The following LUZP2 variants were observed in gnomAD, a reference collection of about 807,000 sequenced individuals.
LUZP2 encodes leucine zipper protein 2.
A neutral mutation model predicts 51.6 loss-of-function variants in LUZP2; 52 were observed. The observed-to-expected ratio is 1.01, with a 90% CI of 0.81 to 1.27. LUZP2 has a LOEUF of 1.27. Among genes scored for constraint, LUZP2 ranks in the 50% most tolerant of loss-of-function variants. The probability of loss-of-function intolerance (pLI) is 0.00; values close to 1 mark genes in which losing one functional copy is unlikely to be tolerated. For missense variants in LUZP2, 436 were observed against 395.4 expected, an observed-to-expected ratio of 1.10 and a Z score of -0.87; for synonymous variants, 154 against 137.3, an observed-to-expected ratio of 1.12 and a Z score of -0.85.
At chr11:24,968,126 C>T (rs529901815) in intron 7 of LUZP2, among the ~76,000 whole-genome samples, 1 of 152,204 alleles carries the variant, frequency 6.6e-6, no homozygotes, top group South Asian at 2.1e-4. Context: ...TTGAGCTAAA[C>T]CTCCAAAGAT....
intron 10 of LUZP2, among the ~76,000 whole-genome samples, chr11:25,060,179 A>G (rs1408779719): frequency 2.0e-5 from 3 of 152,170 alleles, no homozygotes; most frequent in Admixed American, 6.5e-5. Context: ...TGCTATAACA[A>G]AACACCATAG....
chr11:24,594,778 G>A (rs1348784696), intron 1 of LUZP2, among the ~76,000 whole-genome samples: 4 of 37,944 alleles, frequency 1.1e-4, no homozygotes, highest in Non-Finnish European at 2.2e-4. Flanking sequence ...TTTTTTTTTT[G>A]AGGTGGAGTC....
At chr11:24,600,672 A>G (rs1003344714) in intron 1 of LUZP2, among the ~76,000 whole-genome samples, 29 of 152,036 alleles carry the variant, frequency 1.9e-4, no homozygotes, top group African/African-American at 6.3e-4. Context: ...GCTTCCTACC[A>G]TTTTTAATAT....
intron 1 of LUZP2, among the ~76,000 whole-genome samples, chr11:24,672,828 T>A (rs1028019892): frequency 5.9e-5 from 9 of 152,168 alleles, no homozygotes; most frequent in African/African-American, 1.9e-4. Context: ...GGGTCCCCAG[T>A]CCCTGGACCA....
chr11:24,559,338 A>G (rs945138639), intron 1 of LUZP2, among the ~76,000 whole-genome samples: 1 of 152,212 alleles, frequency 6.6e-6, no homozygotes. Context: ...GTTCATTCAC[A>G]ATAGAAAGTG....
chr11:24,600,073 G>C (rs1371301688), intron 1 of LUZP2, among the ~76,000 whole-genome samples: 3 of 151,798 alleles, frequency 2.0e-5, no homozygotes, highest in African/African-American at 7.3e-5. Flanking sequence ...TTGAAAATAG[G>C]GTCTTCATGT....
rs1406854766 is a variant in LUZP2 at position 25,079,804 on chromosome 11, T to C, written c.*1146T>C. 1.3e-5 allele frequency: 2 copies of C among 152,172 alleles called. No homozygotes were observed. The highest frequency in any genetic ancestry group is 1.5e-5 in the Non-Finnish European group (1 of 68,010). The allele number at this position is 152,172 out of a possible 1,614,324, so 9.4% of individuals were successfully genotyped here. A position where few individuals can be genotyped will look rare whatever the true frequency, so the allele number is the denominator to read the frequency against. On this transcript the variant is annotated 3_prime_UTR_variant, in exon 12 of 12. Coordinates refer to ENST00000336930, the MANE Select transcript of LUZP2 (RefSeq NM_001009909.4). ...AAAGTCATTTCTTTTGTTTAGAACCTTTTTGCAACCGTAGAAAGCATATTA... is the reference window on the plus strand; with the variant it reads ...AAAGTCATTTCTTTTGTTTAGAACCCTTTTGCAACCGTAGAAAGCATATTA...
intron 9 of LUZP2, among the ~76,000 whole-genome samples, chr11:25,040,760 A>G (rs186686325): frequency 2.0e-4 from 30 of 152,298 alleles, no homozygotes; most frequent in African/African-American, 7.2e-4. Flanking sequence ...TTGCCTTTAA[A>G]GAAGTTGATG....
chr11:24,656,622 G>T (rs1466317033), intron 1 of LUZP2, among the ~76,000 whole-genome samples: 2 of 152,134 alleles, frequency 1.3e-5, no homozygotes, highest in African/African-American at 4.8e-5. Flanking sequence ...CAGGGTTTAG[G>T]TATATTTAAG....
At chr11:25,045,702 T>C (rs1024422786) in intron 9 of LUZP2, among the ~76,000 whole-genome samples, 4 of 152,162 alleles carry the variant, frequency 2.6e-5, no homozygotes, top group Admixed American at 6.6e-5. Flanking sequence ...CAAATTTCCA[T>C]CATTGCTGAG....
chr11:24,804,959 C>T (rs545073759), intron 5 of LUZP2, among the ~76,000 whole-genome samples: 9 of 151,400 alleles, frequency 5.9e-5, no homozygotes, highest in African/African-American at 2.2e-4. Flanking sequence ...CCTGTTTTAT[C>T]TTCCTGAGTA....
intron 1 of LUZP2, among the ~76,000 whole-genome samples, chr11:24,672,807 C>G (rs1478361835): frequency 4.6e-5 from 7 of 152,188 alleles, no homozygotes; most frequent in African/African-American, 1.7e-4. Context: ...TTATTGAATA[C>G]TTTACGTCAG....
intron 1 of LUZP2, among the ~76,000 whole-genome samples, chr11:24,678,132 T>G (rs1288092757): frequency 1.3e-5 from 2 of 151,838 alleles, no homozygotes; most frequent in African/African-American, 4.8e-5. Flanking sequence ...TGTTTTTGAC[T>G]TTTTTTATTT....
At chr11:24,621,880 T>C (rs1271761972) in intron 1 of LUZP2, among the ~76,000 whole-genome samples, 2 of 152,074 alleles carry the variant, frequency 1.3e-5, no homozygotes, top group African/African-American at 4.8e-5. Context: ...CCTTTTCTTA[T>C]TTTTTATAAT....
At chr11:25,053,506 A>G (rs1047412114) in intron 10 of LUZP2, among the ~76,000 whole-genome samples, 2 of 151,016 alleles carry the variant, frequency 1.3e-5, no homozygotes, top group Non-Finnish European at 2.9e-5. Flanking sequence ...ATCCAGTTTC[A>G]GAACATTTTC....
intron 2 of LUZP2, among the ~76,000 whole-genome samples, chr11:24,730,132 G>A (rs943055015): frequency 2.0e-5 from 3 of 151,494 alleles, no homozygotes; most frequent in African/African-American, 7.3e-5. Flanking sequence ...TGATGATGAT[G>A]GTGGTAGTGG....
chr11:24,903,447 A>G (rs1853340459), intron 5 of LUZP2, among the ~76,000 whole-genome samples: 1 of 152,170 alleles, frequency 6.6e-6, no homozygotes, highest in African/African-American at 2.4e-5. Context: ...CCCTCACTCC[A>G]TGATAGGAAA....
chr11:25,048,639 T>A (rs892166000), intron 9 of LUZP2, among the ~76,000 whole-genome samples: 14 of 152,106 alleles, frequency 9.2e-5, no homozygotes, highest in Non-Finnish European at 1.9e-4. Context: ...TCCTGTTTAA[T>A]TATTTTTTAA....
chr11:24,824,390 A>AAAAAAAAAT (rs1304693659), intron 5 of LUZP2, among the ~76,000 whole-genome samples: 7 of 147,682 alleles, frequency 4.7e-5, no homozygotes, highest in African/African-American at 1.5e-4. Context: ...AAAAAAAAAA[A>AAAAAAAAAT]AAATGAGTGG....
Sources: gnomAD v4.1 joint callset for allele counts (sites outside exome capture counted in the v4.1 genomes callset) on GRCh38, gnomAD v4.1.1 for gene constraint, MANE v1.5 for transcripts, NCBI Gene and HGNC (gene_info 2026-07-23, HGNC 2026-07-21) for gene names.